UBE2D2: variants seen among roughly 807,000 people sequenced by gnomAD.
UBE2D2 encodes the protein ubiquitin conjugating enzyme E2 D2.
UBE2D2 carries 2 observed loss-of-function variants against 24.2 expected under a neutral mutation model. The observed-to-expected ratio is 0.08, with a 90% CI of 0.03 to 0.26. UBE2D2 has a LOEUF of 0.26. Among genes scored for constraint, UBE2D2 ranks in the 10% least tolerant of loss-of-function variants. The pLI is 1.00. For synonymous variants in UBE2D2, 58 were observed against 56.5 expected, an observed-to-expected ratio of 1.03 and a Z score of -0.12; for missense variants, 44 against 177.6, an observed-to-expected ratio of 0.25 and a Z score of 4.28.
At chr5:139,591,266 A>T (rs1753841123) in intron 1 of UBE2D2, among the ~76,000 whole-genome samples, 1 of 150,236 alleles carries the variant, frequency 6.7e-6, no homozygotes, top group South Asian at 2.1e-4. Context: ...TATTACAGGC[A>T]TGCACCACCA....
upstream of UBE2D2, among the ~76,000 whole-genome samples, chr5:139,556,530 C>G (rs1022397749): frequency 6.6e-6 from 1 of 151,746 alleles, no homozygotes; most frequent in Non-Finnish European, 1.5e-5. Context: ...CAAATAAGGA[C>G]AAAATTTTGT....
At chr5:139,527,420 T>A (rs141865063) in intron 1 of UBE2D2, among the ~76,000 whole-genome samples, 5,692 of 152,278 alleles carry the variant, frequency 0.037, 130 homozygotes, top group Non-Finnish European at 0.058. Context: ...GTCTTATTAA[T>A]AGCAAAGGAT....
At chr5:139,553,614 T>C (rs1402909659) in intron 1 of UBE2D2, among the ~76,000 whole-genome samples, 1 of 152,156 alleles carries the variant, frequency 6.6e-6, no homozygotes, top group Non-Finnish European at 1.5e-5. Flanking sequence ...AGGGCCTGTA[T>C]GATCCACATG....
intron 1 of UBE2D2, among the ~76,000 whole-genome samples, chr5:139,553,733 T>C (rs1698643261): frequency 6.6e-6 from 1 of 152,150 alleles, no homozygotes; most frequent in Non-Finnish European, 1.5e-5. Flanking sequence ...ATATATCCAA[T>C]GTACATACAA....
rs189953200 is a variant in UBE2D2, at chr5:139,597,776, A to G, written c.25-2596A>G. On this transcript the variant is annotated intron_variant, in intron 1 of 6. Coordinates refer to ENST00000398733, the MANE Select transcript of UBE2D2 (RefSeq NM_003339.3). Reference sequence around the variant, plus strand: ...TAATATTTGAGAATGGGAACTATACAGTAGGCTATTACTTTTTTTCTTGAG... The same window carrying G: ...TAATATTTGAGAATGGGAACTATACGGTAGGCTATTACTTTTTTTCTTGAG... 2.6e-4 allele frequency among the ~76,000 whole-genome samples: 40 copies of G among 152,384 alleles called. 1 individual carries two copies. The highest frequency in any genetic ancestry group is 9.1e-4 in the African/African-American group (38 of 41,604).
At chr5:139,541,335 C>T (rs569708369) in intron 1 of UBE2D2, among the ~76,000 whole-genome samples, 2 of 148,764 alleles carry the variant, frequency 1.3e-5, no homozygotes, top group South Asian at 4.3e-4. Flanking sequence ...GGCATGGTGG[C>T]TCACGCTTAT....
At chr5:139,589,334 G>A (rs1039265735) in intron 1 of UBE2D2, among the ~76,000 whole-genome samples, 4 of 152,108 alleles carry the variant, frequency 2.6e-5, no homozygotes, top group Admixed American at 6.6e-5. Context: ...CAAGGTGGGC[G>A]GATCACTTGA....
chr5:139,569,679 TA>T (rs1423723028), intron 1 of UBE2D2, among the ~76,000 whole-genome samples: 2 of 152,166 alleles, frequency 1.3e-5, no homozygotes, highest in Non-Finnish European at 2.9e-5. Flanking sequence ...AATAGAATCA[TA>T]AAATGTTAGC....
At chr5:139,546,806 T>TCTTC (rs1561498136) in intron 1 of UBE2D2, among the ~76,000 whole-genome samples, 2 of 146,398 alleles carry the variant, frequency 1.4e-5, no homozygotes, top group African/African-American at 5.0e-5. Context: ...TTTCTTTCTT[T>TCTTC]CTTCTTTCTT....
At chr5:139,531,834 A>G (rs576802001) in intron 1 of UBE2D2, among the ~76,000 whole-genome samples, 2 of 151,796 alleles carry the variant, frequency 1.3e-5, no homozygotes, top group African/African-American at 2.4e-5. Flanking sequence ...ACAAAAACAA[A>G]AAACCAGGTG....
chr5:139,539,118 G>A (rs950782001), intron 1 of UBE2D2, among the ~76,000 whole-genome samples: 8 of 151,746 alleles, frequency 5.3e-5, no homozygotes, highest in South Asian at 2.1e-4. Context: ...TCCACCTCCC[G>A]GGTTCAAGTA....
intron 1 of UBE2D2, chr5:139,562,139 G>C (rs1446907417): frequency 1.6e-6 from 2 of 1,224,652 alleles, no homozygotes; most frequent in Non-Finnish European, 2.2e-6. Flanking sequence ...CCAGGATGGC[G>C]GGGTTGGGGC....
chr5:139,587,993 A>T (rs1348221885), intron 1 of UBE2D2, among the ~76,000 whole-genome samples: 1 of 152,058 alleles, frequency 6.6e-6, no homozygotes, highest in Non-Finnish European at 1.5e-5. Flanking sequence ...AGGCTTAGGG[A>T]TTCTTGGTCT....
intron 2 of UBE2D2, among the ~76,000 whole-genome samples, chr5:139,611,694 C>T (rs1754323790): frequency 6.6e-6 from 1 of 152,058 alleles, no homozygotes; most frequent in African/African-American, 2.4e-5. Flanking sequence ...TAGCATTGTC[C>T]AGAAAAAATT....
At chr5:139,534,785 G>A (rs1752647447) in intron 1 of UBE2D2, among the ~76,000 whole-genome samples, 1 of 151,810 alleles carries the variant, frequency 6.6e-6, no homozygotes, top group Admixed American at 6.6e-5. Flanking sequence ...ACAGTTAATT[G>A]GGCACAAACA....
At chr5:139,573,311 A>G (rs893879362) in intron 1 of UBE2D2, among the ~76,000 whole-genome samples, 4 of 151,928 alleles carry the variant, frequency 2.6e-5, no homozygotes, top group Non-Finnish European at 5.9e-5. Flanking sequence ...CAAAAAAAAA[A>G]AGAAAAAAAA....
intron 1 of UBE2D2, among the ~76,000 whole-genome samples, chr5:139,535,059 G>T (rs1180702333): frequency 6.6e-6 from 1 of 151,952 alleles, no homozygotes. Context: ...AGAATCGCTT[G>T]AACCTGGGAG....
At chr5:139,573,319 A>G (rs1387048364) in intron 1 of UBE2D2, among the ~76,000 whole-genome samples, 1 of 152,040 alleles carries the variant, frequency 6.6e-6, no homozygotes, top group Admixed American at 6.6e-5. Flanking sequence ...AAAAGAAAAA[A>G]AAAAAAGTAC....
At chr5:139,531,529 G>A (rs1752596642) in intron 1 of UBE2D2, among the ~76,000 whole-genome samples, 1 of 151,028 alleles carries the variant, frequency 6.6e-6, no homozygotes, top group Non-Finnish European at 1.5e-5. Flanking sequence ...ACAACTCGGT[G>A]TCTGAGAGGT....
Sources: allele counts gnomAD v4.1 joint callset (sites outside exome capture counted in the v4.1 genomes callset), GRCh38; gene constraint gnomAD v4.1.1; transcripts MANE v1.5; gene names NCBI Gene and HGNC (gene_info 2026-07-23, HGNC 2026-07-21).